Variants in GLIS3 observed in about 807,000 individuals in gnomAD.
The protein encoded by GLIS3 is GLIS family zinc finger 3, also known as zinc finger protein GLIS3.
In GLIS3, 53 loss-of-function variants were observed where a neutral mutation model predicts 78.6. The observed-to-expected ratio is 0.67, with a 90% CI of 0.54 to 0.85. The LOEUF is 0.85. Ranked by LOEUF, GLIS3 falls within the 40% of genes least tolerant of loss-of-function variation. GLIS3 has a pLI of 0.00. For synonymous variants in GLIS3, 684 were observed against 509.9 expected (o/e 1.34, Z -4.60); for missense variants, 1,703 against 1,231.1 (o/e 1.38, Z -5.74).
chr9:3,989,367 A>G (rs1276381443), intron 4 of GLIS3, among the ~76,000 whole-genome samples: 6 of 152,220 alleles, frequency 3.9e-5, no homozygotes, highest in Non-Finnish European at 8.8e-5. Flanking sequence ...AAATTACCAT[A>G]TGACCCAGTA....
chr9:4,039,186 AG>A (rs1162514845), intron 4 of GLIS3, among the ~76,000 whole-genome samples: 1 of 152,214 alleles, frequency 6.6e-6, no homozygotes, highest in Non-Finnish European at 1.5e-5. Context: ...GGAATTTAAT[AG>A]GGCACCTGGT....
At chr9:3,866,197 G>A (rs900264455) in intron 8 of GLIS3, among the ~76,000 whole-genome samples, 2 of 152,202 alleles carry the variant, frequency 1.3e-5, no homozygotes, top group Non-Finnish European at 2.9e-5. Flanking sequence ...TCTGCACAAG[G>A]TAGCCATCAA....
At position 3,977,919 on chromosome 9, in the gene GLIS3, T is replaced by C. The variant is rs1818921346; in HGVS notation, c.1711-40730A>G. Among the ~76,000 whole-genome samples the C allele has an allele frequency of 6.6e-6, 1 of 152,218 alleles. No individual in the cohort carries two copies. Among genetic ancestry groups the C allele is most frequent in the African/African-American group, 2.4e-5 (1 of 41,458 alleles). On this transcript the variant is annotated intron_variant, in intron 4 of 10. Transcript: ENST00000381971. The surrounding 1 kb of genome is among the most constrained non-coding windows in gnomAD (Gnocchi z 4.1). ...ATGAAATGCTGCTAACTTTTATTTG[T>C]GAGTGTGAAATGGTAATATTTCATG...
the GLIS3 span, among the ~76,000 whole-genome samples, chr9:4,364,670 G>A: frequency 1.4e-5 from 2 of 138,974 alleles, no homozygotes; most frequent in African/African-American, 5.3e-5. Flanking sequence ...ATGAGATAAT[G>A]CTTATCTTTT....
chr9:4,146,244 G>A (rs999583915), intron 2 of GLIS3, among the ~76,000 whole-genome samples: 2 of 152,150 alleles, frequency 1.3e-5, no homozygotes, highest in South Asian at 2.1e-4. Flanking sequence ...TGAAGGAAGG[G>A]GGGACACCTT....
chr9:4,204,831 T>C (rs549108730), intron 2 of GLIS3, among the ~76,000 whole-genome samples: 1 of 151,762 alleles, frequency 6.6e-6, no homozygotes, highest in South Asian at 2.1e-4. Context: ...GAAGAATTGC[T>C]TGAACCCGGA....
intron 4 of GLIS3, among the ~76,000 whole-genome samples, chr9:4,028,684 A>G (rs1372229136): frequency 6.6e-6 from 1 of 151,848 alleles, no homozygotes; most frequent in Non-Finnish European, 1.5e-5. Context: ...TCCCAACACT[A>G]TAGATCACTT....
chr9:3,926,021 G>A (rs1286344694), intron 6 of GLIS3, among the ~76,000 whole-genome samples: 3 of 152,162 alleles, frequency 2.0e-5, no homozygotes, highest in African/African-American at 7.2e-5. Context: ...TTTCTTAGAT[G>A]GGAGCACTAA....
intron 4 of GLIS3, among the ~76,000 whole-genome samples, chr9:4,082,891 C>G (rs978367222): frequency 2.0e-5 from 3 of 152,186 alleles, no homozygotes; most frequent in Non-Finnish European, 2.9e-5. Context: ...TTCGACACCT[C>G]TTTTTGTTCC....
Position 3,856,059 on chromosome 9 carries a change from T to C in GLIS3, c.2423A>G (p.Tyr808Cys), listed in dbSNP as rs141417434. ...QQPSGSHLKS[Y>C]QPETNSSFQP... ...AAAAGAAGAGTTTGTTTCTGGCTGA[T>C]AGGACTTCAGGTGTGAACCTGATGG... The change falls in exon 9 of 11, where the codon TAT becomes TGT. Residue 808 changes from tyrosine (Y) to cysteine (C), a missense_variant. Tyr to Cys is a radical substitution (Grantham distance 194). Transcript: ENST00000381971. The C allele has an allele frequency of 3.4e-5, 55 of 1,614,230 alleles. No homozygotes were observed. The African/African-American group carries it at 6.0e-4, about 18-fold the overall frequency.
intron 2 of GLIS3, among the ~76,000 whole-genome samples, chr9:4,272,830 G>A (rs543211707): frequency 1.1e-3 from 163 of 152,290 alleles, no homozygotes; most frequent in Non-Finnish European, 1.8e-3. Context: ...AATGTCAGGT[G>A]ATCTGACATT....
chr9:4,100,900 T>C (rs184425992), intron 4 of GLIS3, among the ~76,000 whole-genome samples: 122 of 152,266 alleles, frequency 8.0e-4, no homozygotes, highest in Non-Finnish European at 1.3e-3. Context: ...AACCCTCTCG[T>C]TGTACAATAT....
At chr9:4,185,988 CT>C (rs950204592) in intron 2 of GLIS3, among the ~76,000 whole-genome samples, 1 of 151,326 alleles carries the variant, frequency 6.6e-6, no homozygotes, top group East Asian at 1.9e-4. Context: ...GAGTTTTCTT[CT>C]TTTTTTTAAA....
chr9:4,418,187 T>C, the GLIS3 span, among the ~76,000 whole-genome samples: 2 of 152,354 alleles, frequency 1.3e-5, no homozygotes, highest in South Asian at 2.1e-4. Flanking sequence ...TATAGCCAGA[T>C]GTCCTTTGAA....
intron 8 of GLIS3, among the ~76,000 whole-genome samples, chr9:3,863,753 G>C (rs1820386745): frequency 6.6e-6 from 1 of 152,192 alleles, no homozygotes; most frequent in South Asian, 2.1e-4. Flanking sequence ...CTGGAGGAAA[G>C]TTTCTCCTCT....
chr9:4,219,751 G>A (rs1419898791), intron 2 of GLIS3, among the ~76,000 whole-genome samples: 1 of 152,142 alleles, frequency 6.6e-6, no homozygotes, highest in Non-Finnish European at 1.5e-5. Flanking sequence ...GAGGAAGTGG[G>A]GGCTTTGGCT....
chr9:3,879,686 G>A (rs1458085766), intron 7 of GLIS3, 91 bp from the exon 8 acceptor site: 3 of 1,396,324 alleles, frequency 2.1e-6, no homozygotes, highest in African/African-American at 2.9e-5. Flanking sequence ...CATATTTGAG[G>A]GGCTTGCTTG....
At chr9:4,309,137 C>G (rs1218304031) in intron 3 of GLIS3, among the ~76,000 whole-genome samples, 1 of 152,200 alleles carries the variant, frequency 6.6e-6, no homozygotes, top group Non-Finnish European at 1.5e-5. Flanking sequence ...AATTGTTACT[C>G]TATCTTGTCA....
chr9:4,114,286 G>A (rs1231775282), intron 4 of GLIS3, among the ~76,000 whole-genome samples: 1 of 152,082 alleles, frequency 6.6e-6, no homozygotes, highest in African/African-American at 2.4e-5. Context: ...AAGATCTACA[G>A]TACAAACGTT....
Sources: gnomAD v4.1 joint callset for allele counts (sites outside exome capture counted in the v4.1 genomes callset) on GRCh38, gnomAD v4.1.1 for gene constraint, Gnocchi (gnomAD v3.1) non-coding constraint, MANE v1.5 for transcripts, NCBI Gene and HGNC (gene_info 2026-07-23, HGNC 2026-07-21) for gene names.